The following KLHL1 variants were observed in gnomAD, a reference collection of about 807,000 sequenced individuals.
KLHL1 encodes kelch like family member 1, also known as kelch-like protein 1.
Under a neutral mutation model 77.7 loss-of-function variants are expected in KLHL1, and 47 were observed. The ratio of observed to expected loss-of-function variants is 0.60; its 90% CI spans 0.48 to 0.77. The LOEUF (loss-of-function observed/expected upper bound fraction) is 0.77. KLHL1 is among the 30% of genes least tolerant of loss of function. The probability of loss-of-function intolerance (pLI) is 0.00; values close to 1 mark genes in which losing one functional copy is unlikely to be tolerated. For synonymous variants in KLHL1, 360 were observed against 325.2 expected, an observed-to-expected ratio of 1.11 and a Z score of -1.15; for missense variants, 925 against 910.8, an observed-to-expected ratio of 1.02 and a Z score of -0.20.
chr13:69,796,496 A>T (rs1877112293), intron 7 of KLHL1, among the ~76,000 whole-genome samples: 1 of 152,096 alleles, frequency 6.6e-6, no homozygotes. Flanking sequence ...GTGATCTCTG[A>T]ATGCATGGCC....
chr13:70,002,620 A>G (rs1267871466), intron 1 of KLHL1, among the ~76,000 whole-genome samples: 1 of 151,698 alleles, frequency 6.6e-6, no homozygotes, highest in South Asian at 2.1e-4. Context: ...AGTGAACCCC[A>G]ATCAGGATAT....
At chr13:69,967,355 T>C (rs1884243182) in intron 2 of KLHL1, among the ~76,000 whole-genome samples, 1 of 152,136 alleles carries the variant, frequency 6.6e-6, no homozygotes, top group Non-Finnish European at 1.5e-5. Flanking sequence ...TATATGACTT[T>C]GAAGGGTTTA....
chr13:69,973,192 C>T (rs1884443660), intron 2 of KLHL1, among the ~76,000 whole-genome samples: 1 of 151,820 alleles, frequency 6.6e-6, no homozygotes, highest in Admixed American at 6.6e-5. Flanking sequence ...TAAACATGGC[C>T]TTTCATAAAA....
At chr13:70,035,111 T>C (rs951116968) in intron 1 of KLHL1, among the ~76,000 whole-genome samples, 1 of 152,170 alleles carries the variant, frequency 6.6e-6, no homozygotes, top group African/African-American at 2.4e-5. Context: ...AGGATCATTA[T>C]TGGTAACTTT....
At chr13:69,986,040 C>A (rs1884861288) in intron 1 of KLHL1, among the ~76,000 whole-genome samples, 1 of 150,892 alleles carries the variant, frequency 6.6e-6, no homozygotes, top group Non-Finnish European at 1.5e-5. Context: ...ACTATTCATA[C>A]CCTCCAGGAT....
chr13:70,034,759 T>C (rs1350323709), intron 1 of KLHL1, among the ~76,000 whole-genome samples: 1 of 152,182 alleles, frequency 6.6e-6, no homozygotes, highest in African/African-American at 2.4e-5. Context: ...CAGACATACA[T>C]ATATCTAGAG....
intron 1 of KLHL1, among the ~76,000 whole-genome samples, chr13:70,020,286 A>AT (rs1885757113): frequency 6.6e-6 from 1 of 152,112 alleles, no homozygotes; most frequent in Non-Finnish European, 1.5e-5. Context: ...ATGGCATAAT[A>AT]TTTTCCAGAA....
intron 9 of KLHL1, among the ~76,000 whole-genome samples, chr13:69,712,674 A>G (rs558825509): frequency 1.3e-4 from 19 of 151,912 alleles, no homozygotes; most frequent in Non-Finnish European, 2.5e-4. Context: ...CATATTTCCA[A>G]TATACACACA....
At chr13:69,840,954 T>A (rs1879234954) in intron 5 of KLHL1, among the ~76,000 whole-genome samples, 1 of 151,776 alleles carries the variant, frequency 6.6e-6, no homozygotes, top group East Asian at 1.9e-4. Context: ...GGAAAATAAT[T>A]AACCTCTACA....
At chr13:69,710,331 G>A (rs567099694) in intron 9 of KLHL1, among the ~76,000 whole-genome samples, 13 of 151,920 alleles carry the variant, frequency 8.6e-5, no homozygotes, top group Admixed American at 2.6e-4. Context: ...ATTTTAATGC[G>A]TTTGTTGGAA....
At chr13:69,863,680 T>C (rs1307805688) in intron 5 of KLHL1, among the ~76,000 whole-genome samples, 1 of 152,026 alleles carries the variant, frequency 6.6e-6, no homozygotes, top group Non-Finnish European at 1.5e-5. Flanking sequence ...CAGTTGTCAC[T>C]TTCTCAATAC....
chr13:70,084,004 C>T (rs960570769), intron 1 of KLHL1, among the ~76,000 whole-genome samples: 1 of 151,798 alleles, frequency 6.6e-6, no homozygotes, highest in African/African-American at 2.4e-5. Context: ...TCACTCAAAA[C>T]GCAAAAATGA....
At position 69,896,913 on chromosome 13, in the gene KLHL1, G is replaced by A. The variant is rs56328038; in HGVS notation, c.1015-14418C>T. On this transcript the variant is annotated intron_variant, in intron 4 of 10. Coordinates refer to ENST00000377844, the MANE Select transcript of KLHL1 (RefSeq NM_020866.3). ...GTCTCGACTCCTGACCTCATGATCC[G>A]CCCGCCTCAGCCTCCCAATGTGCCG... Among the ~76,000 whole-genome samples, 116 of 151,866 alleles carry A rather than the reference G, an allele frequency of 7.6e-4. 2 individuals carry two copies. The highest frequency in any genetic ancestry group is 5.0e-3 in the South Asian group (24 of 4,804).
rs113420251 is a variant in KLHL1 at position 69,855,305 on chromosome 13, TA to T, written c.1228-16144del. On this transcript the variant is annotated intron_variant, in intron 5 of 10. Coordinates refer to ENST00000377844, the MANE Select transcript of KLHL1 (RefSeq NM_020866.3). ...TACTAATTTTAGATAGATAGATAGATAGATAGATAGATAGATAGATAGATAG... is the reference window on the plus strand; with the variant it reads ...TACTAATTTTAGATAGATAGATAGATGATAGATAGATAGATAGATAGATAG... Among the ~76,000 whole-genome samples, 503 of 103,506 alleles carry T rather than the reference TA, an allele frequency of 4.9e-3. 9 individuals are homozygous for T. The highest frequency in any genetic ancestry group is 0.018 in the African/African-American group (458 of 25,790). 67.9% of individuals were successfully genotyped at this position (103,506 alleles called of 152,430 possible). A position where few individuals can be genotyped will look rare whatever the true frequency, so the allele number is the denominator to read the frequency against.
At chr13:69,900,333 C>T (rs1881811497) in intron 4 of KLHL1, among the ~76,000 whole-genome samples, 1 of 152,124 alleles carries the variant, frequency 6.6e-6, no homozygotes. Flanking sequence ...TAAACACCAG[C>T]TTTGAATATA....
rs888252825 is a variant in KLHL1, at chr13:69,701,349, G to A, written c.*353C>T. 4.2e-5 allele frequency: 8 copies of A among 188,950 alleles called. No homozygotes were observed. The highest frequency in any genetic ancestry group is 1.2e-4 in the African/African-American group (5 of 42,166). The allele number at this position is 188,950 out of a possible 1,614,324, so 11.7% of individuals were successfully genotyped here. The stretch of plus-strand genomic sequence containing the variant: ...CATAGACTATAAAATGATTGAATGA[G>A]TTGTGGTCATGAAACTATCCATGTC... On this transcript the variant is annotated 3_prime_UTR_variant, in exon 11 of 11. Transcript: ENST00000377844.
chr13:69,838,922 C>T, intron 6 of KLHL1, 54 bp downstream of exon 6: 1 of 1,198,980 alleles, frequency 8.3e-7, no homozygotes, highest in East Asian at 2.6e-5. Flanking sequence ...AATATAAAAG[C>T]TGCAACACGG....
chr13:70,090,971 T>TCC (rs1473217102), intron 1 of KLHL1, among the ~76,000 whole-genome samples: 6 of 152,224 alleles, frequency 3.9e-5, no homozygotes, highest in African/African-American at 1.4e-4. Context: ...TTCACATTAC[T>TCC]TCTTCCTTTC....
At chr13:70,058,892 C>A (rs531647959) in intron 1 of KLHL1, among the ~76,000 whole-genome samples, 34 of 152,008 alleles carry the variant, frequency 2.2e-4, no homozygotes, top group African/African-American at 7.2e-4. Flanking sequence ...AATAGAGAAC[C>A]CAGAAACAAA....
Sources: gnomAD v4.1 joint callset for allele counts (sites outside exome capture counted in the v4.1 genomes callset) on GRCh38, gnomAD v4.1.1 for gene constraint, MANE v1.5 for transcripts, NCBI Gene and HGNC (gene_info 2026-07-23, HGNC 2026-07-21) for gene names.